Variants in ROBO2 observed in about 807,000 individuals in gnomAD.
The protein encoded by ROBO2 is roundabout guidance receptor 2.
In ROBO2, 53 loss-of-function variants were observed where a neutral mutation model predicts 160.8. The ratio of observed to expected loss-of-function variants is 0.33; its 90% CI spans 0.26 to 0.41. The LOEUF is 0.41. ROBO2 is among the 10% of genes least tolerant of loss of function. The probability of loss-of-function intolerance (pLI) is 1.00; values close to 1 mark genes in which losing one functional copy is unlikely to be tolerated. For synonymous variants in ROBO2, 664 were observed against 611.7 expected, an observed-to-expected ratio of 1.09 and a Z score of -1.26; for missense variants, 1,577 against 1,722.4, an observed-to-expected ratio of 0.92 and a Z score of 1.49.
chr3:76,548,430 C>T (rs975309794), intron 2 of ROBO2, among the ~76,000 whole-genome samples: 3 of 152,040 alleles, frequency 2.0e-5, no homozygotes, highest in Admixed American at 6.6e-5. Context: ...GCCAATGGCA[C>T]CCTGTCTTTG....
chr3:76,291,349 G>C (rs139067709), intron 2 of ROBO2, among the ~76,000 whole-genome samples: 4,802 of 152,158 alleles, frequency 0.032, 95 homozygotes, highest in South Asian at 0.076. Context: ...GTTCATAAGA[G>C]TCTCTGGGGG....
chr3:76,400,355 C>T (rs1210768052), intron 2 of ROBO2, among the ~76,000 whole-genome samples: 2 of 151,298 alleles, frequency 1.3e-5, no homozygotes, highest in African/African-American at 4.8e-5. Flanking sequence ...AGTGACTCAC[C>T]CAAAAGGGGA....
At chr3:75,910,133 T>C (rs1264060891) in intron 1 of ROBO2, among the ~76,000 whole-genome samples, 1 of 152,170 alleles carries the variant, frequency 6.6e-6, no homozygotes, top group Non-Finnish European at 1.5e-5. Flanking sequence ...ATCAGAGTCA[T>C]TAATGCCCTG....
At chr3:76,590,013 T>G (rs1365919298) in intron 2 of ROBO2, among the ~76,000 whole-genome samples, 2 of 152,146 alleles carry the variant, frequency 1.3e-5, no homozygotes, top group Non-Finnish European at 2.9e-5. Context: ...GAAAAATATG[T>G]AGGCTTAAAC....
intron 1 of ROBO2, among the ~76,000 whole-genome samples, chr3:77,067,459 T>A (rs888341096): frequency 1.3e-5 from 2 of 152,198 alleles, no homozygotes; most frequent in African/African-American, 4.8e-5. Context: ...GTATACCGAA[T>A]TAGAAAGAAC....
intron 2 of ROBO2, among the ~76,000 whole-genome samples, chr3:76,936,905 A>G (rs2077738051): frequency 6.6e-6 from 1 of 151,898 alleles, no homozygotes; most frequent in African/African-American, 2.4e-5. Flanking sequence ...TGGTTGTTGG[A>G]AACATTATTC....
intron 2 of ROBO2, among the ~76,000 whole-genome samples, chr3:76,425,605 A>G (rs2076189968): frequency 6.6e-6 from 1 of 151,788 alleles, no homozygotes; most frequent in African/African-American, 2.4e-5. Flanking sequence ...TGTAGTAGTC[A>G]CTCAAAAATT....
intron 2 of ROBO2, among the ~76,000 whole-genome samples, chr3:75,999,858 A>G (rs953102816): frequency 6.6e-6 from 1 of 152,216 alleles, no homozygotes; most frequent in Non-Finnish European, 1.5e-5. Flanking sequence ...TAAACTCATC[A>G]TGTTGATACT....
At chr3:77,436,339 G>T (rs1220502135) in intron 2 of ROBO2, among the ~76,000 whole-genome samples, 1 of 151,556 alleles carries the variant, frequency 6.6e-6, no homozygotes, top group Admixed American at 6.6e-5. Context: ...TTATCTGTTT[G>T]TTCTCTTCAT....
intron 2 of ROBO2, among the ~76,000 whole-genome samples, chr3:76,320,700 T>G (rs188248311): frequency 3.0e-4 from 46 of 152,348 alleles, no homozygotes; most frequent in Non-Finnish European, 5.9e-4. Flanking sequence ...AAGTACAGAT[T>G]TTCATTTATC....
chr3:76,628,450 T>TTA (rs1023153581), intron 2 of ROBO2, among the ~76,000 whole-genome samples: 2 of 150,506 alleles, frequency 1.3e-5, no homozygotes, highest in Admixed American at 6.6e-5. Flanking sequence ...TTTTTTTTTT[T>TTA]AGAGATGGGG....
At chr3:76,402,511 A>G (rs2108767676) in intron 2 of ROBO2, among the ~76,000 whole-genome samples, 1 of 151,676 alleles carries the variant, frequency 6.6e-6, no homozygotes, top group South Asian at 2.1e-4. Flanking sequence ...GTATTATCTC[A>G]TAGTTCTGCA....
chr3:76,074,270 A>G (rs2068571198), intron 2 of ROBO2, among the ~76,000 whole-genome samples: 1 of 152,240 alleles, frequency 6.6e-6, no homozygotes, highest in African/African-American at 2.4e-5. Flanking sequence ...TTCAGCAGAT[A>G]ATATGGCAGG....
intron 2 of ROBO2, among the ~76,000 whole-genome samples, chr3:76,798,746 A>G (rs1186949289): frequency 6.6e-6 from 1 of 152,102 alleles, no homozygotes; most frequent in Non-Finnish European, 1.5e-5. Flanking sequence ...TACAAAAAGT[A>G]GCTAGGCATG....
intron 5 of ROBO2, among the ~76,000 whole-genome samples, chr3:77,515,699 A>G (rs1416737023): frequency 6.6e-6 from 1 of 151,678 alleles, no homozygotes; most frequent in African/African-American, 2.4e-5. Context: ...CAGGATTTTT[A>G]AAAATTGAAT....
At chr3:76,033,786 G>T (rs956052191) in intron 2 of ROBO2, among the ~76,000 whole-genome samples, 10 of 152,136 alleles carry the variant, frequency 6.6e-5, no homozygotes, top group Admixed American at 2.6e-4. Context: ...TGTGGCATGG[G>T]TACTTGCTGT....
chr3:77,485,851 A>T (rs908751954), intron 4 of ROBO2, among the ~76,000 whole-genome samples: 1 of 152,116 alleles, frequency 6.6e-6, no homozygotes, highest in African/African-American at 2.4e-5. Flanking sequence ...AACTTGTGCC[A>T]TGGTGGTTTG....
chr3:76,821,133 G>GA (rs1553645980), intron 2 of ROBO2, among the ~76,000 whole-genome samples: 3 of 151,722 alleles, frequency 2.0e-5, no homozygotes, highest in Non-Finnish European at 4.4e-5. Flanking sequence ...CAAAACAATC[G>GA]AAAAAATAAA....
chr3:76,896,877 A>T (rs1244324038), intron 2 of ROBO2, among the ~76,000 whole-genome samples: 1 of 152,176 alleles, frequency 6.6e-6, no homozygotes, highest in Non-Finnish European at 1.5e-5. Context: ...TAGTATTTTT[A>T]AGCTCCAAAT....
Sources: allele counts gnomAD v4.1 joint callset (sites outside exome capture counted in the v4.1 genomes callset), GRCh38; gene constraint gnomAD v4.1.1; transcripts MANE v1.5; gene names NCBI Gene and HGNC (gene_info 2026-07-23, HGNC 2026-07-21).